TRABD2B: variants seen among roughly 807,000 people sequenced by gnomAD.
The protein encoded by TRABD2B is TraB domain containing 2B.
A neutral mutation model predicts 40.1 loss-of-function variants in TRABD2B; 14 were observed. The ratio of observed to expected loss-of-function variants is 0.35; its 90% CI spans 0.23 to 0.55. The LOEUF (loss-of-function observed/expected upper bound fraction) is 0.55, where lower values mean the gene tolerates loss of function less well. Ranked by LOEUF, TRABD2B falls within the 20% of genes least tolerant of loss-of-function variation. The pLI, the probability that TRABD2B is intolerant of heterozygous loss-of-function variation, is 0.90. For synonymous variants in TRABD2B, 263 were observed against 277.0 expected, an observed-to-expected ratio of 0.95 and a Z score of 0.50; for missense variants, 541 against 648.6, an observed-to-expected ratio of 0.83 and a Z score of 1.80.
At chr1:47,892,691 G>A (rs1311870256) in intron 2 of TRABD2B, among the ~76,000 whole-genome samples, 1 of 152,194 alleles carries the variant, frequency 6.6e-6, no homozygotes, top group African/African-American at 2.4e-5. Context: ...GGCATGTGCT[G>A]ATGGGTTGAG....
rs115554896 is a variant in TRABD2B at position 47,891,969 on chromosome 1, C to T, written c.667-90350G>A. Among the ~76,000 whole-genome samples, 1,074 of 152,272 alleles carry T rather than the reference C, an allele frequency of 7.1e-3. 16 individuals carry two copies. The highest frequency in any genetic ancestry group is 0.023 in the African/African-American group (944 of 41,562). ...GTCAGATTATGCAGAGGCTCTTAGG[C>T]CACATTAGGATTTAGCTTTTGCTAG... On this transcript the variant is annotated intron_variant, in intron 2 of 6. Coordinates refer to ENST00000606738, the MANE Select transcript of TRABD2B (RefSeq NM_001194986.2).
chr1:47,940,400 G>T (rs1306538086), intron 2 of TRABD2B, among the ~76,000 whole-genome samples: 1 of 152,148 alleles, frequency 6.6e-6, no homozygotes, highest in Non-Finnish European at 1.5e-5. Flanking sequence ...AATTTGTTGG[G>T]GTGTACTATG....
intron 2 of TRABD2B, among the ~76,000 whole-genome samples, chr1:47,892,619 G>C (rs1327612559): frequency 5.3e-5 from 8 of 152,308 alleles, no homozygotes; most frequent in South Asian, 4.1e-4. Context: ...TGAGAAAGAA[G>C]CAGCAAGGAG....
At chr1:47,884,636 CAG>C (rs1400868167) in intron 2 of TRABD2B, among the ~76,000 whole-genome samples, 1 of 152,198 alleles carries the variant, frequency 6.6e-6, no homozygotes, top group East Asian at 1.9e-4. Flanking sequence ...TTTTTTGAGA[CAG>C]AGTCTCGCTC....
intron 2 of TRABD2B, among the ~76,000 whole-genome samples, chr1:47,881,860 G>C (rs1225531253): frequency 6.6e-6 from 1 of 152,164 alleles, no homozygotes; most frequent in Non-Finnish European, 1.5e-5. Context: ...ATGCTTATTT[G>C]CATGAATCAA....
chr1:47,785,267 A>G (rs28434684), intron 4 of TRABD2B, among the ~76,000 whole-genome samples: 2 of 152,188 alleles, frequency 1.3e-5, no homozygotes, highest in African/African-American at 4.8e-5. Flanking sequence ...ACACTCTCCC[A>G]GGCAACTGTC....
At chr1:47,871,247 G>T (rs974285123) in intron 2 of TRABD2B, among the ~76,000 whole-genome samples, 5 of 152,130 alleles carry the variant, frequency 3.3e-5, no homozygotes, top group Admixed American at 1.3e-4. Flanking sequence ...AGGAGCAGGA[G>T]AATGTGCTTG....
chr1:47,917,103 G>C (rs1487755921), intron 2 of TRABD2B, among the ~76,000 whole-genome samples: 1 of 152,212 alleles, frequency 6.6e-6, no homozygotes, highest in Non-Finnish European at 1.5e-5. Flanking sequence ...GTGTTCAGGT[G>C]TCATGGACCA....
At chr1:47,855,951 G>A (rs1570133585) in intron 2 of TRABD2B, among the ~76,000 whole-genome samples, 2 of 152,340 alleles carry the variant, frequency 1.3e-5, no homozygotes, top group Admixed American at 6.5e-5. Context: ...TTATGTTATA[G>A]CAGCCTTAGT....
chr1:47,943,655 T>A (rs1645218006), intron 2 of TRABD2B, among the ~76,000 whole-genome samples: 1 of 152,040 alleles, frequency 6.6e-6, no homozygotes, highest in Non-Finnish European at 1.5e-5. Flanking sequence ...ACAAGAGGAA[T>A]GCACATTTGC....
intron 2 of TRABD2B, among the ~76,000 whole-genome samples, chr1:47,852,907 T>A (rs1253682973): frequency 6.6e-6 from 1 of 152,132 alleles, no homozygotes; most frequent in African/African-American, 2.4e-5. Context: ...CGATGGTGAC[T>A]AATACCTCTT....
intron 4 of TRABD2B, among the ~76,000 whole-genome samples, chr1:47,782,662 G>A (rs949172697): frequency 2.0e-5 from 3 of 152,184 alleles, no homozygotes; most frequent in Non-Finnish European, 4.4e-5. Flanking sequence ...CCTTGGTGGT[G>A]CTCCTCCAGA....
At position 47,996,217 on chromosome 1, in the gene TRABD2B, T is replaced by G. The variant is rs1646089015; in HGVS notation, c.102+471A>C. Among the ~76,000 whole-genome samples, 8 of 151,426 alleles carry G rather than the reference T, an allele frequency of 5.3e-5. No homozygotes were observed. The highest frequency in any genetic ancestry group is 5.3e-4 in the Admixed American group (8 of 15,210). On this transcript the variant is annotated intron_variant, in intron 1 of 6. Coordinates refer to ENST00000606738, the MANE Select transcript of TRABD2B (RefSeq NM_001194986.2). The surrounding 1 kb of genome is among the most constrained non-coding windows in gnomAD (Gnocchi z 4.6). ...GAACAGGGAGAAAGTTTGTCTTAGG[T>G]CAGAGTGGGAGGGCAGGGAGAGAGA...
chr1:47,943,690 C>CA (rs1225266118), intron 2 of TRABD2B, among the ~76,000 whole-genome samples: 5 of 151,448 alleles, frequency 3.3e-5, no homozygotes, highest in Non-Finnish European at 7.4e-5. Flanking sequence ...AAAAGCAAAA[C>CA]AAAAACACAA....
chr1:47,933,883 A>G (rs1440128018), intron 2 of TRABD2B, among the ~76,000 whole-genome samples: 1 of 152,374 alleles, frequency 6.6e-6, no homozygotes, highest in African/African-American at 2.4e-5. Flanking sequence ...CAATACAGTG[A>G]TCACTCAACA....
intron 2 of TRABD2B, among the ~76,000 whole-genome samples, chr1:47,936,457 G>T (rs1035361182): frequency 3.3e-5 from 5 of 152,164 alleles, no homozygotes; most frequent in Admixed American, 1.3e-4. Context: ...CCATGAGGAG[G>T]TCTACCAAGC....
At chr1:47,848,967 C>T (rs994720275) in intron 2 of TRABD2B, among the ~76,000 whole-genome samples, 2 of 152,224 alleles carry the variant, frequency 1.3e-5, no homozygotes, top group African/African-American at 4.8e-5. Context: ...GGGTCCCCAT[C>T]GGCAACCCTT....
chr1:47,885,376 T>C (rs1460358992), intron 2 of TRABD2B, among the ~76,000 whole-genome samples: 2 of 152,150 alleles, frequency 1.3e-5, no homozygotes, highest in Non-Finnish European at 1.5e-5. Flanking sequence ...GACCGTCTTA[T>C]TTACTTGCAG....
intron 2 of TRABD2B, among the ~76,000 whole-genome samples, chr1:47,904,243 A>G (rs1175649335): frequency 6.6e-6 from 1 of 152,134 alleles, no homozygotes; most frequent in Non-Finnish European, 1.5e-5. Flanking sequence ...GTAATAGGTC[A>G]GGGTCTTGGA....
Sources: allele counts gnomAD v4.1 joint callset (sites outside exome capture counted in the v4.1 genomes callset), GRCh38; gene constraint gnomAD v4.1.1; non-coding constraint Gnocchi (gnomAD v3.1); transcripts MANE v1.5; gene names NCBI Gene and HGNC (gene_info 2026-07-23, HGNC 2026-07-21).